The following PHLPP1 variants were observed in gnomAD, a reference collection of about 807,000 sequenced individuals.
PHLPP1 encodes the protein PH domain and leucine rich repeat protein phosphatase 1, also known as PH domain leucine-rich repeat-containing protein phosphatase 1.
In PHLPP1, 42 loss-of-function variants were observed where a neutral mutation model predicts 117.2. That is an observed-to-expected ratio of 0.36 (90% CI 0.28 to 0.46). PHLPP1 has a LOEUF of 0.46. Among genes scored for constraint, PHLPP1 ranks in the 20% least tolerant of loss-of-function variants. The pLI, the probability that PHLPP1 is intolerant of heterozygous loss-of-function variation, is 1.00. For missense variants in PHLPP1, 2,084 were observed against 2,241.9 expected, an observed-to-expected ratio of 0.93 and a Z score of 1.42; for synonymous variants, 1,042 against 970.7, an observed-to-expected ratio of 1.07 and a Z score of -1.37.
In PHLPP1 at chr18:62,903,123, C is replaced by T. The variant is rs1328231390; in HGVS notation, c.2604C>T (p.Asp868=). Residue 868 remains aspartate, a synonymous_variant, in exon 7 of 17, where the codon GAC becomes GAT. Coordinates refer to ENST00000262719, the MANE Select transcript of PHLPP1 (RefSeq NM_194449.4). ...HCERNQLVTL[D]ICGYFLKALY... ...AAAGGAATCAACTGGTCACATTAGA[C>T]ATCTGTGGCTATTTCCTAAAAGCGC... is the stretch of plus-strand genomic sequence containing the variant. 1.2e-6 allele frequency: 2 copies of T among 1,613,562 alleles called. No individual in the cohort carries two copies. Among genetic ancestry groups the T allele is most frequent in the East Asian group, 2.2e-5 (1 of 44,864 alleles).
intron 1 of PHLPP1, among the ~76,000 whole-genome samples, chr18:62,725,979 T>A (rs1350145675): frequency 6.6e-6 from 1 of 152,184 alleles, no homozygotes; most frequent in East Asian, 1.9e-4. Flanking sequence ...CTTGATGGTC[T>A]CTTAGAGAGG....
At chr18:62,975,677 C>A (rs1725646558) in intron 16 of PHLPP1, 52 bp downstream of exon 16, 1 of 1,224,728 alleles carries the variant, frequency 8.2e-7, no homozygotes, top group Admixed American at 1.7e-5. Context: ...GGAGAGGAGA[C>A]CAGGTCATAG....
chr18:62,936,459 A>G (rs1263849953), intron 10 of PHLPP1, among the ~76,000 whole-genome samples: 1 of 152,246 alleles, frequency 6.6e-6, no homozygotes, highest in African/African-American at 2.4e-5. Context: ...GGGCAAAAGT[A>G]TGAGAAACAG....
chr18:62,871,640 GA>G lies in PHLPP1; in HGVS notation c.2066+11043del, dbSNP rs778318632. On this transcript the variant is annotated intron_variant, in intron 4 of 16. Transcript: ENST00000262719. The stretch of plus-strand genomic sequence containing the variant: ...ACCACGCCTGGCCAAATTTAGCTCT[GA>G]AAATTTTTTTTTTTTTTTTTTTTTT... Among the ~76,000 whole-genome samples the G allele has an allele frequency of 2.6e-4, 35 of 134,774 alleles. 1 individual carries two copies. The highest frequency in any genetic ancestry group is 4.4e-4 in the Non-Finnish European group (28 of 62,962). 88.4% of individuals were successfully genotyped at this position (134,774 alleles called of 152,430 possible).
At chr18:62,776,834 T>C (rs1912973665) in intron 1 of PHLPP1, among the ~76,000 whole-genome samples, 1 of 152,146 alleles carries the variant, frequency 6.6e-6, no homozygotes, top group African/African-American at 2.4e-5. Context: ...GGTCTCAATA[T>C]CCTGACCTTG....
At chr18:62,977,848 G>A (rs539373393) in intron 16 of PHLPP1, among the ~76,000 whole-genome samples, 14 of 152,310 alleles carry the variant, frequency 9.2e-5, no homozygotes, top group South Asian at 6.2e-4. Context: ...CACCCAGCCC[G>A]TCTGAGGGCC....
chr18:62,901,301 A>C (rs775094132), intron 6 of PHLPP1, among the ~76,000 whole-genome samples: 1 of 152,072 alleles, frequency 6.6e-6, no homozygotes, highest in Non-Finnish European at 1.5e-5. Flanking sequence ...TATTCTGTTT[A>C]CACATTCTAG....
intron 1 of PHLPP1, among the ~76,000 whole-genome samples, chr18:62,727,822 G>A (rs190954374): frequency 1.3e-5 from 2 of 151,908 alleles, no homozygotes; most frequent in Non-Finnish European, 1.5e-5. Context: ...AATTTCCCAC[G>A]CCATCGTCAC....
rs1909418850 is a variant in PHLPP1 at position 62,920,129 on chromosome 18, CTTGT to C, written c.2960+18_2960+21del. ...AAGGCTGACAGGTAAAGCCATTTGT[CTTGT>C]TTATCATCTGAGTCTATAAATATTC... On this transcript the variant is annotated intron_variant, in intron 10 of 16. Coordinates refer to ENST00000262719, the MANE Select transcript of PHLPP1 (RefSeq NM_194449.4). 3.7e-6 allele frequency: 6 copies of C among 1,610,044 alleles called. No homozygotes were observed. The Middle Eastern group carries it at 6.7e-4, about 179-fold the overall frequency.
At chr18:62,890,119 C>G (rs1294286192) in intron 4 of PHLPP1, among the ~76,000 whole-genome samples, 1 of 152,004 alleles carries the variant, frequency 6.6e-6, no homozygotes, top group Non-Finnish European at 1.5e-5. Flanking sequence ...TTAGCTGATG[C>G]AGAGAATGGT....
chr18:62,811,954 A>G (rs2144312237), intron 1 of PHLPP1, among the ~76,000 whole-genome samples: 1 of 152,326 alleles, frequency 6.6e-6, no homozygotes, highest in African/African-American at 2.4e-5. Flanking sequence ...TAAAGTTTTT[A>G]GGAAATTGTT....
intron 4 of PHLPP1, among the ~76,000 whole-genome samples, chr18:62,866,889 C>T (rs1294831124): frequency 6.6e-6 from 1 of 152,142 alleles, no homozygotes; most frequent in Non-Finnish European, 1.5e-5. Flanking sequence ...CCCTCTCTCC[C>T]CAGCTGTTAT....
intron 1 of PHLPP1, among the ~76,000 whole-genome samples, chr18:62,740,047 C>T (rs1368475163): frequency 1.3e-5 from 2 of 150,830 alleles, no homozygotes. Context: ...AGCTGATTGC[C>T]AAACTTGGTT....
chr18:62,749,133 T>A (rs1227360857), intron 1 of PHLPP1, among the ~76,000 whole-genome samples: 1 of 152,146 alleles, frequency 6.6e-6, no homozygotes, highest in Non-Finnish European at 1.5e-5. Flanking sequence ...CTTTCTTACT[T>A]TTTTACTCCT....
chr18:62,726,686 C>G (rs1050553201), intron 1 of PHLPP1, among the ~76,000 whole-genome samples: 4 of 147,548 alleles, frequency 2.7e-5, no homozygotes, highest in African/African-American at 1.0e-4. Context: ...CGGGTTCATG[C>G]GATTCTCCTG....
chr18:62,968,265 A>G (rs1056707861), intron 14 of PHLPP1, among the ~76,000 whole-genome samples: 3 of 152,140 alleles, frequency 2.0e-5, no homozygotes, highest in African/African-American at 7.2e-5. Flanking sequence ...GGCCTCATAG[A>G]ATGAGTTGGG....
intron 14 of PHLPP1, among the ~76,000 whole-genome samples, chr18:62,972,164 G>A (rs1476362992): frequency 6.6e-6 from 1 of 152,204 alleles, no homozygotes; most frequent in Non-Finnish European, 1.5e-5. Flanking sequence ...GCTGGATGTG[G>A]AGATTGTGGT....
chr18:62,718,264 A>T (rs1716717743), intron 1 of PHLPP1, among the ~76,000 whole-genome samples: 1 of 152,216 alleles, frequency 6.6e-6, no homozygotes, highest in South Asian at 2.1e-4. Context: ...AGCAAAATTA[A>T]ATCAAGAGTG....
chr18:62,941,964 G>C lies in PHLPP1; in HGVS notation c.3161+46G>C, dbSNP rs74993970. The C allele has an allele frequency of 3.2e-5, 46 of 1,454,878 alleles. No individual in the cohort carries two copies. The South Asian group carries it at 5.2e-4, about 16-fold the overall frequency. 90.1% of individuals were successfully genotyped at this position (1,454,878 alleles called of 1,614,324 possible). A position where few individuals can be genotyped will look rare whatever the true frequency, so the allele number is the denominator to read the frequency against. On this transcript the variant is annotated intron_variant, in intron 11 of 16. Coordinates refer to ENST00000262719, the MANE Select transcript of PHLPP1 (RefSeq NM_194449.4). ...TGCGTTCTGAATTGCATTTCTCAAA[G>C]TGTATTCATAGAAAGGTGAAGGCTG...
Sources: gnomAD v4.1 joint callset for allele counts (sites outside exome capture counted in the v4.1 genomes callset) on GRCh38, gnomAD v4.1.1 for gene constraint, MANE v1.5 for transcripts, NCBI Gene and HGNC (gene_info 2026-07-23, HGNC 2026-07-21) for gene names.